The following UBE2J2 variants were observed in gnomAD, a reference collection of about 807,000 sequenced individuals.
The protein encoded by UBE2J2 is ubiquitin conjugating enzyme E2 J2.
In UBE2J2, 5 loss-of-function variants were observed where a neutral mutation model predicts 28.6. The observed-to-expected ratio is 0.17, with a 90% CI of 0.09 to 0.37. UBE2J2 has a LOEUF of 0.37. Among genes scored for constraint, UBE2J2 ranks in the 10% least tolerant of loss-of-function variants. The pLI is 1.00. For synonymous variants in UBE2J2, 138 were observed against 139.7 expected (o/e 0.99, Z 0.09); for missense variants, 226 against 338.9 (o/e 0.67, Z 2.62).
chr1:1,256,696 A>C (rs1482750424), intron 5 of UBE2J2, among the ~76,000 whole-genome samples: 1 of 151,750 alleles, frequency 6.6e-6, no homozygotes, highest in African/African-American at 2.4e-5. Context: ...CCTGGTTAAC[A>C]CGGTGAAACC....
intron 1 of UBE2J2, among the ~76,000 whole-genome samples, chr1:1,269,975 G>T (rs1157378659): frequency 6.6e-6 from 1 of 152,140 alleles, no homozygotes; most frequent in African/African-American, 2.4e-5. Context: ...GGACCTTGTG[G>T]GAGGTGACTG....
intron 5 of UBE2J2, chr1:1,256,476 G>A (rs1047591351): frequency 3.9e-6 from 1 of 258,608 alleles, no homozygotes; most frequent in South Asian, 4.7e-5. Flanking sequence ...GCTGGATGTG[G>A]ATAAAAGCAA....
intron 3 of UBE2J2, among the ~76,000 whole-genome samples, chr1:1,260,435 C>T (rs747921268): frequency 1.3e-5 from 2 of 152,174 alleles, no homozygotes; most frequent in Non-Finnish European, 2.9e-5. Context: ...TGCTGCCTCA[C>T]TGCGTGCGCA....
rs559296050 is a variant in UBE2J2 at position 1,263,009 on chromosome 1, C to G, written c.172+337G>C. Reference sequence around the variant, plus strand: ...ACACTGAATAACTGAATATATGTGCCTTTCCTTTGATGATATGCACTGGGT... The same window carrying G: ...ACACTGAATAACTGAATATATGTGCGTTTCCTTTGATGATATGCACTGGGT... On this transcript the variant is annotated intron_variant, in intron 3 of 6. Coordinates refer to ENST00000349431, the MANE Select transcript of UBE2J2 (RefSeq NM_058167.3). 6.7e-5 allele frequency: 17 copies of G among 252,954 alleles called. No homozygotes were observed. In the East Asian group the frequency reaches 1.3e-3, roughly 19 times the overall value. The allele number at this position is 252,954 out of a possible 1,614,324, so 15.7% of individuals were successfully genotyped here.
rs1639969467 is a variant in UBE2J2, at chr1:1,268,085, CCATT to C, written c.1-97_1-94del. On this transcript the variant is annotated intron_variant, in intron 1 of 6. Transcript: ENST00000349431. The surrounding 1 kb of genome is among the most constrained non-coding windows in gnomAD (Gnocchi z 4.7). The stretch of plus-strand genomic sequence containing the variant: ...GCCCCACTCCCGCCTCTGCAGCCCG[CCATT>C]CATTCAGGGCCCGGTCACCCAGAGT... The C allele has an allele frequency of 6.5e-7, 1 of 1,539,714 alleles. No homozygotes were observed. Among genetic ancestry groups the C allele is most frequent in the Non-Finnish European group, 8.9e-7 (1 of 1,126,822 alleles).
intron 2 of UBE2J2, 122 bp downstream of exon 2, chr1:1,267,740 G>A (rs1639951056): frequency 1.3e-6 from 2 of 1,538,494 alleles, no homozygotes; most frequent in African/African-American, 2.7e-5. Context: ...CACCCCGGGG[G>A]AGGGTGCAGG....
chr1:1,256,821 A>G (rs1639205567), intron 5 of UBE2J2, among the ~76,000 whole-genome samples, 171 bp downstream of exon 5: 1 of 140,320 alleles, frequency 7.1e-6, no homozygotes, highest in South Asian at 2.4e-4. Flanking sequence ...CGGGGGGCGG[A>G]GCTTGCAGTG....
chr1:1,266,251 C>A, intron 2 of UBE2J2: 1 of 1,041,798 alleles, frequency 9.6e-7, no homozygotes, highest in Non-Finnish European at 1.3e-6. Context: ...CTGACCAAGC[C>A]GAAACACATT....
At chr1:1,271,170 G>A (rs1411923401) in intron 1 of UBE2J2, among the ~76,000 whole-genome samples, 1 of 152,172 alleles carries the variant, frequency 6.6e-6, no homozygotes, top group African/African-American at 2.4e-5. Flanking sequence ...ACCAGGGATG[G>A]GGTTACAGTC....
At chr1:1,255,537 C>G (rs749964760) in intron 6 of UBE2J2, 50 bp from the exon 7 acceptor site, 61 of 1,564,560 alleles carry the variant, frequency 3.9e-5, no homozygotes, top group Non-Finnish European at 5.2e-5. Flanking sequence ...CAGCGCCTTT[C>G]AGGACCAGCA....
At chr1:1,267,714 C>T in intron 2 of UBE2J2, 148 bp downstream of exon 2, 2 of 1,498,476 alleles carry the variant, frequency 1.3e-6, no homozygotes, top group South Asian at 2.6e-5. Context: ...GTCCACAGGC[C>T]CCTGGGCACC....
Position 1,267,925 on chromosome 1 carries a change from C to T in UBE2J2, c.68G>A (p.Arg23His), listed in dbSNP as rs1230826484. ...GTAAGGCACCGGGTCTTTCTTAATGCGAAGGTAGTCCTGCTTCAGCCTCTG... is the reference window on the plus strand; with the variant it reads ...GTAAGGCACCGGGTCTTTCTTAATGTGAAGGTAGTCCTGCTTCAGCCTCTG... ...ATQRLKQDYLRIKKDPVPYIC... is the reference protein window; with the variant it reads ...ATQRLKQDYLHIKKDPVPYIC... The change falls in exon 2 of 7, where the codon CGC (arginine) becomes CAC (histidine). Residue 23 changes from arginine (R) to histidine (H), a missense_variant. This residue lies in a region of UBE2J2 where 80 missense variants were observed against 114.5 expected (regional missense o/e 0.70). Transcript: ENST00000349431. 1 of 1,614,100 alleles carries T rather than the reference C, an allele frequency of 6.2e-7. No homozygotes were observed. Among genetic ancestry groups the T allele is most frequent in the Non-Finnish European group, 8.5e-7 (1 of 1,179,978 alleles).
intron 3 of UBE2J2, among the ~76,000 whole-genome samples, chr1:1,259,742 C>T (rs1639444062): frequency 6.6e-6 from 1 of 152,218 alleles, no homozygotes; most frequent in Non-Finnish European, 1.5e-5. Context: ...CCACGCCCCA[C>T]ATGGACTGTG....
At chr1:1,271,974 C>CAAAAAAAAAAAAAAAAAAAAAAAAAA (rs60924258) in intron 1 of UBE2J2, among the ~76,000 whole-genome samples, 1 of 27,616 alleles carries the variant, frequency 3.6e-5, no homozygotes, top group African/African-American at 7.5e-5. Context: ...AACTCCGTCT[C>CAAAAAAAAAAAAAAAAAAAAAAAAAA]AAAAAAAAAA....
chr1:1,271,724 C>A, intron 1 of UBE2J2: 1 of 152,276 alleles, frequency 6.6e-6, no homozygotes. Flanking sequence ...CCTGTAATCC[C>A]AACACTTTGG....
At chr1:1,263,528 A>G in intron 2 of UBE2J2, 142 bp from the exon 3 acceptor site, 2 of 755,326 alleles carry the variant, frequency 2.6e-6, no homozygotes, top group South Asian at 2.9e-5. Context: ...GAAATGTCAC[A>G]CAGCCACACG....
At chr1:1,267,131 C>T (rs564162115) in intron 2 of UBE2J2, among the ~76,000 whole-genome samples, 5 of 152,158 alleles carry the variant, frequency 3.3e-5, no homozygotes, top group East Asian at 1.9e-4. Flanking sequence ...TCAGGTGATC[C>T]GCCCGCCTGA....
intron 3 of UBE2J2, among the ~76,000 whole-genome samples, chr1:1,261,498 A>T (rs944477719): frequency 1.3e-5 from 2 of 152,218 alleles, no homozygotes; most frequent in Admixed American, 1.3e-4. Flanking sequence ...CATCTCCACC[A>T]GCAACTGACC....
rs958196553 is a variant in UBE2J2, at chr1:1,268,063, C to T, written c.1-71G>A. 2.5e-6 allele frequency: 4 copies of T among 1,572,038 alleles called. No homozygotes were observed. The highest frequency in any genetic ancestry group is 2.6e-6 in the Non-Finnish European group (3 of 1,152,868). On this transcript the variant is annotated intron_variant, in intron 1 of 6. Transcript: ENST00000349431. The surrounding 1 kb of genome is among the most constrained non-coding windows in gnomAD (Gnocchi z 4.7). ...CACAGCTCTCTCCCCTGGCGCAGCC[C>T]CACTCCCGCCTCTGCAGCCCGCCAT... is the stretch of plus-strand genomic sequence containing the variant.
Sources: allele counts gnomAD v4.1 joint callset (sites outside exome capture counted in the v4.1 genomes callset), GRCh38; gene constraint gnomAD v4.1.1; regional missense constraint gnomAD v4.1.1; non-coding constraint Gnocchi (gnomAD v3.1); transcripts MANE v1.5; gene names NCBI Gene and HGNC (gene_info 2026-07-23, HGNC 2026-07-21).